The following SV2C variants were observed in gnomAD, a reference collection of about 807,000 sequenced individuals.
SV2C encodes solute carrier family 22 member B3.
In SV2C, 49 loss-of-function variants were observed where a neutral mutation model predicts 79.7. That is an observed-to-expected ratio of 0.61 (90% CI 0.49 to 0.78). SV2C has a LOEUF of 0.78. Among genes scored for constraint, SV2C ranks in the 30% least tolerant of loss-of-function variants. The probability of loss-of-function intolerance (pLI) is 0.00; values close to 1 mark genes in which losing one functional copy is unlikely to be tolerated. For missense variants in SV2C, 833 were observed against 912.9 expected (o/e 0.91, Z 1.13); for synonymous variants, 334 against 333.2 (o/e 1.00, Z -0.03).
chr5:76,242,490 G>T, intron 4 of SV2C: 1 of 480,384 alleles, frequency 2.1e-6, no homozygotes, highest in Non-Finnish European at 3.9e-6. Context: ...GCCCAGCCCA[G>T]TTTGCACTTT....
At chr5:76,231,137 A>G (rs28508282) in intron 4 of SV2C, among the ~76,000 whole-genome samples, 17,875 of 152,032 alleles carry the variant, frequency 0.12, 3,046 homozygotes, top group African/African-American at 0.38. Context: ...CCCCCTCGTC[A>G]GTTCAGTTGT....
the SV2C span, among the ~76,000 whole-genome samples, chr5:76,003,213 A>G: frequency 0.076 from 11,512 of 152,156 alleles, 454 homozygotes; most frequent in Middle Eastern, 0.12. Flanking sequence ...AGTCAATGAA[A>G]CCTTAAACCT....
At chr5:76,054,586 T>C in the SV2C span, among the ~76,000 whole-genome samples, 7 of 152,334 alleles carry the variant, frequency 4.6e-5, no homozygotes, top group East Asian at 1.4e-3. Context: ...TCCACAATGA[T>C]TGAACTAATT....
intron 4 of SV2C, among the ~76,000 whole-genome samples, chr5:76,262,784 T>G (rs2937725): frequency 0.26 from 39,143 of 152,160 alleles, 5,282 homozygotes; most frequent in African/African-American, 0.3. Flanking sequence ...GATTGCACTG[T>G]GGTCTGAGAG....
the SV2C span, among the ~76,000 whole-genome samples, chr5:75,858,237 G>C: frequency 2.6e-5 from 4 of 152,038 alleles, no homozygotes; most frequent in Non-Finnish European, 5.9e-5. Context: ...GCTAGGTGTG[G>C]GTCTATTGTA....
intron 4 of SV2C, among the ~76,000 whole-genome samples, chr5:76,227,692 T>G (rs1745294966): frequency 6.6e-6 from 1 of 152,204 alleles, no homozygotes; most frequent in Non-Finnish European, 1.5e-5. Context: ...CAGAGCCCTG[T>G]AATAAACAGG....
At chr5:76,213,634 A>G (rs755587696) in intron 4 of SV2C, among the ~76,000 whole-genome samples, 5 of 152,216 alleles carry the variant, frequency 3.3e-5, no homozygotes, top group Non-Finnish European at 7.3e-5. Context: ...AGTAAAAATT[A>G]TATACATTTA....
At chr5:76,009,754 G>C in the SV2C span, among the ~76,000 whole-genome samples, 2 of 152,100 alleles carry the variant, frequency 1.3e-5, no homozygotes, top group African/African-American at 4.8e-5. Flanking sequence ...GGGACCCCTA[G>C]AGCTCAGAGA....
At chr5:76,033,772 C>T in the SV2C span, among the ~76,000 whole-genome samples, 4 of 151,942 alleles carry the variant, frequency 2.6e-5, no homozygotes, top group African/African-American at 9.7e-5. Context: ...TAGTTTTTTC[C>T]AATTCTGTGA....
the SV2C span, among the ~76,000 whole-genome samples, chr5:76,048,961 AAAAGAGAAAGAAAG>A: frequency 9.1e-5 from 11 of 121,084 alleles, no homozygotes; most frequent in African/African-American, 2.9e-4. Flanking sequence ...GAGAGAAAGA[AAAAGAGAAAGAAAG>A]AAAGAAAGAA....
chr5:76,212,547 C>T (rs1161454492), intron 4 of SV2C, among the ~76,000 whole-genome samples: 1 of 151,602 alleles, frequency 6.6e-6, no homozygotes, highest in African/African-American at 2.4e-5. Context: ...GAGAGCCTTG[C>T]TCCTTGGCTC....
chr5:76,082,515 CCTCTCT>C (rs146272772), upstream of SV2C: 5 of 149,958 alleles, frequency 3.3e-5, no homozygotes, highest in South Asian at 2.1e-4. Flanking sequence ...TCTCTCTCTC[CCTCTCT>C]CTCTCTCTTC....
At chr5:75,862,339 G>C in the SV2C span, among the ~76,000 whole-genome samples, 8 of 152,182 alleles carry the variant, frequency 5.3e-5, no homozygotes, top group Non-Finnish European at 1.0e-4. Context: ...TGGGGAGGCA[G>C]CTTGGGTTTA....
chr5:76,189,608 C>T (rs952532012), intron 2 of SV2C, among the ~76,000 whole-genome samples: 5 of 152,124 alleles, frequency 3.3e-5, no homozygotes, highest in East Asian at 1.9e-4. Context: ...AGCATACATT[C>T]GTTTGATCAT....
chr5:76,283,592 T>C (rs900658635), intron 4 of SV2C, among the ~76,000 whole-genome samples: 5 of 152,240 alleles, frequency 3.3e-5, no homozygotes, highest in African/African-American at 1.2e-4. Context: ...AGGGTTTTTT[T>C]CTGCATTTTG....
intron 1 of SV2C, among the ~76,000 whole-genome samples, chr5:76,118,212 G>C (rs1748342528): frequency 6.6e-6 from 1 of 152,200 alleles, no homozygotes; most frequent in Non-Finnish European, 1.5e-5. Flanking sequence ...TCCTCAGCCT[G>C]TGGCTGTGTA....
the SV2C span, among the ~76,000 whole-genome samples, chr5:75,946,759 G>C: frequency 2.0e-5 from 3 of 152,128 alleles, no homozygotes; most frequent in East Asian, 1.9e-4. Flanking sequence ...TGGCTGCCAG[G>C]GGGTAGGGTT....
intron 8 of SV2C, among the ~76,000 whole-genome samples, chr5:76,292,930 C>T (rs1747612559): frequency 6.6e-6 from 1 of 152,124 alleles, no homozygotes; most frequent in Non-Finnish European, 1.5e-5. Flanking sequence ...GAACTCAGTA[C>T]CTTATAGAAC....
At chr5:76,344,446 C>T (rs908550054) in intron 12 of SV2C, among the ~76,000 whole-genome samples, 4 of 152,238 alleles carry the variant, frequency 2.6e-5, no homozygotes, top group East Asian at 1.9e-4. Context: ...CGGTGGCTCA[C>T]GCCTGTAATC....
Sources: allele counts gnomAD v4.1 joint callset (sites outside exome capture counted in the v4.1 genomes callset), GRCh38; gene constraint gnomAD v4.1.1; transcripts MANE v1.5; gene names NCBI Gene and HGNC (gene_info 2026-07-23, HGNC 2026-07-21).